RNF180: variants seen among roughly 807,000 people sequenced by gnomAD.
RNF180 encodes the protein E3 ubiquitin-protein ligase RNF180.
Under a neutral mutation model 59.2 loss-of-function variants are expected in RNF180, and 38 were observed. The observed-to-expected ratio is 0.64, with a 90% CI of 0.50 to 0.84. The LOEUF is 0.84. Among genes scored for constraint, RNF180 ranks in the 40% least tolerant of loss-of-function variants. The probability of loss-of-function intolerance (pLI) is 0.00; values close to 1 mark genes in which losing one functional copy is unlikely to be tolerated. For synonymous variants in RNF180, 262 were observed against 240.3 expected (o/e 1.09, Z -0.84); for missense variants, 705 against 700.9 (o/e 1.01, Z -0.07).
upstream of RNF180, among the ~76,000 whole-genome samples, chr5:64,165,436 C>T (rs1286182258): frequency 6.6e-6 from 1 of 152,162 alleles, no homozygotes; most frequent in African/African-American, 2.4e-5. Context: ...GTAGCGTTGC[C>T]AGCTTAAAAG....
chr5:64,179,718 T>A (rs987020078), intron 1 of RNF180, among the ~76,000 whole-genome samples: 2 of 152,206 alleles, frequency 1.3e-5, no homozygotes, highest in African/African-American at 4.8e-5. Flanking sequence ...AAAATGAACA[T>A]TCCCATATGA....
chr5:64,277,907 A>G (rs1414432634), intron 5 of RNF180, among the ~76,000 whole-genome samples: 2 of 152,148 alleles, frequency 1.3e-5, no homozygotes, highest in South Asian at 2.1e-4. Flanking sequence ...GTAAACAACT[A>G]TTTAGGCTTT....
chr5:64,217,264 A>G, intron 4 of RNF180, 97 bp from the exon 5 acceptor site: 1 of 1,275,354 alleles, frequency 7.8e-7, no homozygotes, highest in Non-Finnish European at 1.0e-6. Flanking sequence ...CTGCTGAAGG[A>G]CAAGTGGATT....
At position 64,326,984 on chromosome 5, in the gene RNF180, C is replaced by G. The variant is rs1247238194; in HGVS notation, c.1453+1573C>G. On this transcript the variant is annotated intron_variant, in intron 6 of 7. Coordinates refer to ENST00000389100, the MANE Select transcript of RNF180 (RefSeq NM_001113561.2). ...TTTGTTACTAATTCAATCTCATTACCTGTGATTGGTATTTGGTTTTCTACT... is the reference window on the plus strand; with the variant it reads ...TTTGTTACTAATTCAATCTCATTACGTGTGATTGGTATTTGGTTTTCTACT... Among the ~76,000 whole-genome samples, 3 of 152,054 alleles carry G rather than the reference C, an allele frequency of 2.0e-5. No individual in the cohort carries two copies. In the South Asian group the frequency reaches 6.2e-4, roughly 32 times the overall value.
At chr5:64,226,069 G>T (rs1342673323) in intron 5 of RNF180, among the ~76,000 whole-genome samples, 6 of 151,464 alleles carry the variant, frequency 4.0e-5, no homozygotes, top group Admixed American at 2.6e-4. Flanking sequence ...CGCCCCATCT[G>T]GGAAGTGAGG....
At chr5:64,206,686 G>A (rs947915995) in intron 2 of RNF180, among the ~76,000 whole-genome samples, 4 of 152,128 alleles carry the variant, frequency 2.6e-5, no homozygotes, top group African/African-American at 9.7e-5. Context: ...GACTATATCT[G>A]GAGATAGGGT....
intron 5 of RNF180, among the ~76,000 whole-genome samples, chr5:64,239,399 C>A (rs1742656656): frequency 6.6e-6 from 1 of 152,116 alleles, no homozygotes; most frequent in Admixed American, 6.5e-5. Flanking sequence ...TTACTTTGCT[C>A]CTAGTAGTAA....
At position 64,239,351 on chromosome 5, in the gene RNF180, C is replaced by T. The variant is rs935746957; in HGVS notation, c.1227+21955C>T. On this transcript the variant is annotated intron_variant, in intron 5 of 7. Coordinates refer to ENST00000389100, the MANE Select transcript of RNF180 (RefSeq NM_001113561.2). The stretch of plus-strand genomic sequence containing the variant: ...AATGTTTGAGAATCATTGCTTTCAG[C>T]TGTTTTGTTCTCAGCTTATTTCAGC... Among the ~76,000 whole-genome samples the T allele has an allele frequency of 4.6e-5, 7 of 152,102 alleles. No homozygotes were observed. The South Asian group carries it at 1.5e-3, about 32-fold the overall frequency.
At chr5:64,281,773 G>A (rs373400143) in intron 5 of RNF180, among the ~76,000 whole-genome samples, 56 of 152,282 alleles carry the variant, frequency 3.7e-4, no homozygotes, top group African/African-American at 1.3e-3. Context: ...TGGGATTACA[G>A]GTCTAAGCCA....
At chr5:64,257,605 C>G (rs1024211412) in intron 5 of RNF180, among the ~76,000 whole-genome samples, 3 of 152,102 alleles carry the variant, frequency 2.0e-5, no homozygotes, top group African/African-American at 4.8e-5. Flanking sequence ...TTCGGTTTGC[C>G]AGTATTTTAT....
intron 5 of RNF180, among the ~76,000 whole-genome samples, chr5:64,322,329 A>C (rs1744397876): frequency 6.6e-6 from 1 of 152,138 alleles, no homozygotes; most frequent in African/African-American, 2.4e-5. Flanking sequence ...CCCATCAAAA[A>C]GTGGGGAAAG....
intron 2 of RNF180, among the ~76,000 whole-genome samples, chr5:64,208,855 A>AT (rs1752161881): frequency 6.6e-6 from 1 of 151,930 alleles, no homozygotes; most frequent in African/African-American, 2.4e-5. Flanking sequence ...GTTTTATATT[A>AT]TTTTTTCTCA....
chr5:64,183,036 A>C (rs367854424), intron 1 of RNF180, among the ~76,000 whole-genome samples: 1 of 152,178 alleles, frequency 6.6e-6, no homozygotes, highest in African/African-American at 2.4e-5. Flanking sequence ...AGGACAACCA[A>C]TGATGTTTGT....
At chr5:64,287,459 G>A (rs1212237117) in intron 5 of RNF180, among the ~76,000 whole-genome samples, 1 of 152,122 alleles carries the variant, frequency 6.6e-6, no homozygotes, top group Non-Finnish European at 1.5e-5. Flanking sequence ...ATTCTCTTAA[G>A]TTTCCAGGTT....
intron 6 of RNF180, among the ~76,000 whole-genome samples, chr5:64,325,722 A>C (rs986197265): frequency 3.3e-4 from 50 of 152,242 alleles, no homozygotes; most frequent in African/African-American, 1.1e-3. Context: ...TTTATTCCTC[A>C]TATCTGCCTT....
At chr5:64,291,416 CTTTTTTTTTTT>C (rs1207692101) in intron 5 of RNF180, among the ~76,000 whole-genome samples, 1 of 71,794 alleles carries the variant, frequency 1.4e-5, no homozygotes, top group South Asian at 4.6e-4. Context: ...AGTATGTTTT[CTTTTTTTTTTT>C]TTTTTTTTTT....
chr5:64,215,103 T>C (rs941374062), intron 4 of RNF180, among the ~76,000 whole-genome samples: 1 of 152,202 alleles, frequency 6.6e-6, no homozygotes, highest in Non-Finnish European at 1.5e-5. Context: ...TGATTTGATC[T>C]ACTTCAGTAC....
chr5:64,204,643 G>A (rs184167425), intron 2 of RNF180, among the ~76,000 whole-genome samples: 14 of 151,760 alleles, frequency 9.2e-5, no homozygotes, highest in African/African-American at 2.4e-4. Context: ...TTTCATTCTT[G>A]TGGTGTCTTT....
chr5:64,342,410 A>G (rs1222860493), intron 7 of RNF180, among the ~76,000 whole-genome samples: 1 of 152,128 alleles, frequency 6.6e-6, no homozygotes, highest in African/African-American at 2.4e-5. Flanking sequence ...AGTTTTGATA[A>G]CCATAGAGAC....
Sources: allele counts gnomAD v4.1 joint callset (sites outside exome capture counted in the v4.1 genomes callset), GRCh38; gene constraint gnomAD v4.1.1; transcripts MANE v1.5; gene names NCBI Gene and HGNC (gene_info 2026-07-23, HGNC 2026-07-21).